The following POLD3 variants were observed in gnomAD, a reference collection of about 807,000 sequenced individuals.
The protein encoded by POLD3 is DNA polymerase delta subunit 3.
POLD3 carries 19 observed loss-of-function variants against 58.2 expected under a neutral mutation model. That is an observed-to-expected ratio of 0.33 (90% CI 0.23 to 0.48). POLD3 has a LOEUF of 0.48. Ranked by LOEUF, POLD3 falls within the 20% of genes least tolerant of loss-of-function variation. The pLI is 0.99. For synonymous variants in POLD3, 172 were observed against 193.5 expected, an observed-to-expected ratio of 0.89 and a Z score of 0.92; for missense variants, 504 against 545.5, an observed-to-expected ratio of 0.92 and a Z score of 0.76.
At chr11:74,629,586 CTT>C (rs59268270) in intron 9 of POLD3, among the ~76,000 whole-genome samples, 8 of 144,366 alleles carry the variant, frequency 5.5e-5, no homozygotes, top group Admixed American at 1.4e-4. Context: ...CTTTTCTTTT[CTT>C]TTTTTTTTTT....
chr11:74,620,469 C>A (rs1002982596), intron 7 of POLD3, among the ~76,000 whole-genome samples: 2 of 152,068 alleles, frequency 1.3e-5, no homozygotes, highest in Non-Finnish European at 2.9e-5. Context: ...CCTGGTGTGA[C>A]CTTTATTTCT....
At chr11:74,622,630 A>G (rs2032301550) in intron 7 of POLD3, among the ~76,000 whole-genome samples, 1 of 152,210 alleles carries the variant, frequency 6.6e-6, no homozygotes, top group African/African-American at 2.4e-5. Context: ...AAGCTTGAGA[A>G]TTGGATGAAG....
intron 7 of POLD3, among the ~76,000 whole-genome samples, chr11:74,620,595 A>G (rs574057444): frequency 1.3e-5 from 2 of 152,230 alleles, no homozygotes; most frequent in Non-Finnish European, 2.9e-5. Context: ...CCCAAGTAGT[A>G]ATGGACATTT....
chr11:74,615,958 A>G (rs775866180), intron 5 of POLD3, among the ~76,000 whole-genome samples: 4 of 152,162 alleles, frequency 2.6e-5, no homozygotes, highest in Admixed American at 6.5e-5. Flanking sequence ...TATATGGCCA[A>G]AGAGGAATAA....
rs2032922644 is a variant in POLD3 at position 74,641,882 on chromosome 11, A to T, written c.*1116A>T. The T allele has an allele frequency of 2.0e-6, 2 of 985,302 alleles. No homozygotes were observed. Among genetic ancestry groups the T allele is most frequent in the Admixed American group, 6.1e-5 (1 of 16,284 alleles). 61.0% of individuals were successfully genotyped at this position (985,302 alleles called of 1,614,324 possible). A position where few individuals can be genotyped will look rare whatever the true frequency, so the allele number is the denominator to read the frequency against. ...GACTGAATTGTTAGTAGGTCTAAAC[A>T]TCAAAGAAAACATTTTTATTAGTTA... is the stretch of plus-strand genomic sequence containing the variant. On this transcript the variant is annotated 3_prime_UTR_variant, in exon 12 of 12. Coordinates refer to ENST00000263681, the MANE Select transcript of POLD3 (RefSeq NM_006591.3).
chr11:74,660,501 T>C lies in POLD3; in HGVS notation c.370-8276T>C, dbSNP rs188425383. ...AGGCATGCCTCATTCTTTATTATTATTTTTTCTTTTGTCTCCTGATATGGT... is the reference window on the plus strand; with the variant it reads ...AGGCATGCCTCATTCTTTATTATTACTTTTTCTTTTGTCTCCTGATATGGT... On this transcript the variant is annotated intron_variant, in intron 4 of 4. Coordinates refer to the POLD3 transcript ENST00000524752. Among the ~76,000 whole-genome samples, 554 of 152,298 alleles carry C rather than the reference T, an allele frequency of 3.6e-3. 4 individuals carry two copies. Among genetic ancestry groups the C allele is most frequent in the Middle Eastern group, 0.034 (10 of 294 alleles).
intron 1 of POLD3, chr11:74,593,026 C>T (rs2031092524): frequency 4.1e-6 from 5 of 1,216,730 alleles, no homozygotes; most frequent in South Asian, 2.3e-5. Flanking sequence ...GTCCCTACAC[C>T]TTTCTTTTAA....
chr11:74,604,819 A>G (rs751604881), intron 3 of POLD3, 25 bp downstream of exon 3: 2 of 1,183,342 alleles, frequency 1.7e-6, no homozygotes, highest in East Asian at 2.3e-5. Context: ...CCTTGTAATG[A>G]GCTTAAATGT....
intron 4 of POLD3, among the ~76,000 whole-genome samples, chr11:74,648,900 C>A (rs986017295): frequency 6.6e-6 from 1 of 152,130 alleles, no homozygotes; most frequent in Non-Finnish European, 1.5e-5. Flanking sequence ...GAAGTTAGAT[C>A]TAGTTTTGTT....
intron 10 of POLD3, among the ~76,000 whole-genome samples, chr11:74,635,888 A>G (rs3741127): frequency 0.18 from 28,012 of 152,092 alleles, 2,771 homozygotes; most frequent in Admixed American, 0.28. Flanking sequence ...TCCTTATCCT[A>G]TATGTCTTTT....
rs144621515 is a variant in POLD3 at position 74,611,128 on chromosome 11, T to A, written c.220-371T>A. On this transcript the variant is annotated intron_variant, in intron 3 of 11. Transcript: ENST00000263681. Reference sequence around the variant, plus strand: ...ATTTAGAATTTATTTTGGTATATGATGTGAGGAACAGATCCAATTTTTATC... The same window carrying A: ...ATTTAGAATTTATTTTGGTATATGAAGTGAGGAACAGATCCAATTTTTATC... 1.5e-3 allele frequency among the ~76,000 whole-genome samples: 224 copies of A among 152,346 alleles called. 1 individual carries two copies. Among genetic ancestry groups the A allele is most frequent in the Admixed American group, 4.2e-3 (64 of 15,302 alleles).
At position 74,607,469 on chromosome 11, in the gene POLD3, T is replaced by C. The variant is rs561552907; in HGVS notation, c.219+2675T>C. On this transcript the variant is annotated intron_variant, in intron 3 of 11. Coordinates refer to ENST00000263681, the MANE Select transcript of POLD3 (RefSeq NM_006591.3). ...TTTTTAGTAGAGACGGGTTTCACCA[T>C]ATTAGCCAGGATGGTCTCGATCTCC... Among the ~76,000 whole-genome samples, 257 of 150,938 alleles carry C rather than the reference T, an allele frequency of 1.7e-3. 1 individual carries two copies. The highest frequency in any genetic ancestry group is 6.8e-3 in the Middle Eastern group (2 of 292).
intron 9 of POLD3, among the ~76,000 whole-genome samples, chr11:74,630,436 A>G (rs1315522591): frequency 6.6e-6 from 1 of 152,206 alleles, no homozygotes; most frequent in Non-Finnish European, 1.5e-5. Context: ...CATCTTTGAC[A>G]CTTCTGTGGA....
At position 74,641,517 on chromosome 11, in the gene POLD3, C is replaced by T. The variant is rs1381171216; in HGVS notation, c.*751C>T. 9.1e-6 allele frequency: 9 copies of T among 985,228 alleles called. No individual in the cohort carries two copies. Among genetic ancestry groups the T allele is most frequent in the African/African-American group, 3.5e-5 (2 of 57,188 alleles). The allele number at this position is 985,228 out of a possible 1,614,324, so 61.0% of individuals were successfully genotyped here. A position where few individuals can be genotyped will look rare whatever the true frequency, so the allele number is the denominator to read the frequency against. On this transcript the variant is annotated 3_prime_UTR_variant, in exon 12 of 12. Transcript: ENST00000263681. ...AGAAATTACCTCGAGTCAGCATTGA[C>T]GATATTGGAGGAGCTGCCGTGCTGC...
At chr11:74,655,296 A>C (rs1170990299) in intron 4 of POLD3, among the ~76,000 whole-genome samples, 1 of 152,266 alleles carries the variant, frequency 6.6e-6, no homozygotes, top group African/African-American at 2.4e-5. Context: ...GAAATGAAAC[A>C]AACGAGAGAG....
At chr11:74,612,384 C>A (rs1363691034) in intron 4 of POLD3, among the ~76,000 whole-genome samples, 1 of 152,184 alleles carries the variant, frequency 6.6e-6, no homozygotes, top group Non-Finnish European at 1.5e-5. Context: ...GCAATCCCTT[C>A]CTTCGCGGAA....
At chr11:74,635,002 G>C (rs2032706332) in intron 10 of POLD3, among the ~76,000 whole-genome samples, 1 of 152,146 alleles carries the variant, frequency 6.6e-6, no homozygotes, top group African/African-American at 2.4e-5. Flanking sequence ...TGTAAAAAGA[G>C]ATCCCCCCTG....
chr11:74,592,629 G>T lies in POLD3; in HGVS notation c.-30G>T, dbSNP rs1019562435. The T allele has an allele frequency of 1.2e-6, 2 of 1,612,622 alleles. No individual in the cohort carries two copies. The highest frequency in any genetic ancestry group is 1.7e-5 in the Admixed American group (1 of 59,926). ...AGCTGTGGCTGTGATTGAGAGAGGG[G>T]TTAGAGGCGGGTCCCAGCGCTGCCG... On this transcript the variant is annotated 5_prime_UTR_variant, in exon 1 of 12. Transcript: ENST00000263681.
chr11:74,629,070 A>G (rs1471307767), intron 8 of POLD3, 147 bp from the exon 9 acceptor site: 2 of 552,734 alleles, frequency 3.6e-6, no homozygotes, highest in African/African-American at 2.0e-5. Context: ...AGTATCCTTA[A>G]CAAGAGTCCT....
Sources: gnomAD v4.1 joint callset for allele counts (sites outside exome capture counted in the v4.1 genomes callset) on GRCh38, gnomAD v4.1.1 for gene constraint, MANE v1.5 for transcripts, NCBI Gene and HGNC (gene_info 2026-07-23, HGNC 2026-07-21) for gene names.